The following GPR158 variants were observed in gnomAD, a reference collection of about 807,000 sequenced individuals.
GPR158 encodes G protein-coupled receptor 158, also known as metabotropic glycine receptor.
A neutral mutation model predicts 78.2 loss-of-function variants in GPR158; 30 were observed. The ratio of observed to expected loss-of-function variants is 0.38; its 90% CI spans 0.29 to 0.52. GPR158 has a LOEUF of 0.52. Ranked by LOEUF, GPR158 falls within the 20% of genes least tolerant of loss-of-function variation. The pLI is 0.83. For synonymous variants in GPR158, 581 were observed against 591.1 expected (o/e 0.98, Z 0.25); for missense variants, 1,463 against 1,523.5 (o/e 0.96, Z 0.66).
intron 2 of GPR158, among the ~76,000 whole-genome samples, chr10:25,297,513 GT>G (rs111883053): frequency 6.6e-5 from 10 of 152,000 alleles, no homozygotes; most frequent in African/African-American, 2.2e-4. Context: ...AAGCATAAAC[GT>G]TTTTTTTACA....
In GPR158 at chr10:25,598,375, G is replaced by A. The variant is rs186351288; in HGVS notation, c.2749G>A (p.Ala917Thr). 6.2e-7 allele frequency: 1 copy of A among 1,614,102 alleles called. No homozygotes were observed. Among genetic ancestry groups the A allele is most frequent in the Admixed American group, 1.7e-5 (1 of 60,008 alleles). Residue 917 changes from alanine to threonine, a missense_variant, in exon 11 of 11, where the codon GCT becomes ACT. Physicochemically the swap from Ala to Thr is moderately conservative, Grantham distance 58. Transcript: ENST00000376351. ...ASAKEKTLGLAGKTQTAGVEE... is the reference protein window; with the variant it reads ...ASAKEKTLGLTGKTQTAGVEE... ...CGCCAAGGAGAAGACTCTTGGATTAGCTGGGAAAACCCAAACAGCAGGTGT... is the reference window on the plus strand; with the variant it reads ...CGCCAAGGAGAAGACTCTTGGATTAACTGGGAAAACCCAAACAGCAGGTGT...
At chr10:25,551,632 GT>G (rs1836726119) in intron 6 of GPR158, among the ~76,000 whole-genome samples, 1 of 152,142 alleles carries the variant, frequency 6.6e-6, no homozygotes, top group African/African-American at 2.4e-5. Context: ...CTAATACTTA[GT>G]TCTAAACCAC....
intron 4 of GPR158, among the ~76,000 whole-genome samples, chr10:25,453,338 C>T (rs916900222): frequency 2.0e-4 from 31 of 152,092 alleles, no homozygotes; most frequent in South Asian, 6.2e-4. Flanking sequence ...TTACATTCAT[C>T]CCACCAGTAT....
chr10:25,369,742 G>C (rs1477834403), intron 2 of GPR158, among the ~76,000 whole-genome samples: 1 of 151,490 alleles, frequency 6.6e-6, no homozygotes, highest in African/African-American at 2.4e-5. Context: ...CAGAAGGAAT[G>C]GTACCAGTTC....
intron 5 of GPR158, among the ~76,000 whole-genome samples, chr10:25,516,942 A>T (rs1382196524): frequency 6.8e-6 from 1 of 147,240 alleles, no homozygotes; most frequent in Non-Finnish European, 1.5e-5. Flanking sequence ...ATGGCATTGA[A>T]TCTGCAAATT....
rs373733400 is a variant in GPR158, at chr10:25,425,091, G to T, written c.1335+12618G>T. On this transcript the variant is annotated intron_variant, in intron 4 of 10. Coordinates refer to ENST00000376351, the MANE Select transcript of GPR158 (RefSeq NM_020752.3). ...GTGGTTTGTAGTTCTCCTTGAAGTG[G>T]TCCTTCACATCCCTTGTAAGCTAGA... is the stretch of plus-strand genomic sequence containing the variant. Among the ~76,000 whole-genome samples the T allele has an allele frequency of 9.9e-5, 15 of 152,074 alleles. No homozygotes were observed. In the East Asian group the frequency reaches 1.2e-3, roughly 12 times the overall value.
intron 5 of GPR158, among the ~76,000 whole-genome samples, chr10:25,507,634 G>A (rs146102771): frequency 2.0e-5 from 3 of 152,180 alleles, no homozygotes; most frequent in Non-Finnish European, 2.9e-5. Flanking sequence ...AGATAATACT[G>A]TATCAGGGAA....
intron 2 of GPR158, among the ~76,000 whole-genome samples, chr10:25,235,451 G>A (rs527484510): frequency 6.7e-6 from 1 of 148,202 alleles, no homozygotes; most frequent in African/African-American, 2.5e-5. Context: ...AATGGCAAGA[G>A]CACCTGAAAT....
At chr10:25,349,885 G>GGCCCAGGTAGACAA (rs1264078163) in intron 2 of GPR158, among the ~76,000 whole-genome samples, 186 of 130,634 alleles carry the variant, frequency 1.4e-3, no homozygotes, top group African/African-American at 5.9e-3. Context: ...AATCACACTG[G>GGCCCAGGTAGACAA]TGATCTTTTC....
chr10:25,381,546 C>G (rs774885646), intron 2 of GPR158, among the ~76,000 whole-genome samples: 2 of 152,074 alleles, frequency 1.3e-5, no homozygotes, highest in Non-Finnish European at 2.9e-5. Flanking sequence ...GAGGAAGTCA[C>G]TGGGAACATG....
intron 2 of GPR158, among the ~76,000 whole-genome samples, chr10:25,248,002 G>A (rs1287142810): frequency 6.6e-6 from 1 of 151,516 alleles, no homozygotes; most frequent in Non-Finnish European, 1.5e-5. Context: ...TTTAATGATT[G>A]CCATTCTAAC....
At chr10:25,517,403 A>G (rs1196407897) in intron 5 of GPR158, among the ~76,000 whole-genome samples, 1 of 152,034 alleles carries the variant, frequency 6.6e-6, no homozygotes, top group Admixed American at 6.5e-5. Flanking sequence ...AACTTCCAAC[A>G]CTATGTTGAA....
intron 6 of GPR158, among the ~76,000 whole-genome samples, chr10:25,558,442 G>C (rs938031388): frequency 1.3e-5 from 2 of 152,126 alleles, no homozygotes; most frequent in African/African-American, 4.8e-5. Context: ...ATTACTTCAG[G>C]CAGCAAAACG....
intron 6 of GPR158, among the ~76,000 whole-genome samples, chr10:25,561,800 C>T (rs1258096853): frequency 6.6e-6 from 1 of 152,114 alleles, no homozygotes; most frequent in African/African-American, 2.4e-5. Flanking sequence ...ATCACATTTC[C>T]TCAGTCTTTT....
At chr10:25,557,685 G>C (rs572256420) in intron 6 of GPR158, among the ~76,000 whole-genome samples, 31 of 152,212 alleles carry the variant, frequency 2.0e-4, no homozygotes, top group Non-Finnish European at 3.4e-4. Context: ...TCCATTTATA[G>C]ATTAGTATGT....
intron 5 of GPR158, among the ~76,000 whole-genome samples, chr10:25,534,965 A>T (rs925766277): frequency 6.6e-6 from 1 of 152,228 alleles, no homozygotes; most frequent in Non-Finnish European, 1.5e-5. Context: ...AAGATGGGTT[A>T]GACTCTGTTG....
chr10:25,332,247 A>G (rs1457018592), intron 2 of GPR158, among the ~76,000 whole-genome samples: 1 of 152,202 alleles, frequency 6.6e-6, no homozygotes, highest in Non-Finnish European at 1.5e-5. Flanking sequence ...TTAGTTGGCT[A>G]GATAGTGCTA....
intron 4 of GPR158, among the ~76,000 whole-genome samples, chr10:25,426,413 T>C (rs985786265): frequency 1.3e-5 from 2 of 152,178 alleles, no homozygotes; most frequent in African/African-American, 2.4e-5. Flanking sequence ...TCATCTCAGC[T>C]TTCGATATGC....
At chr10:25,229,384 C>T (rs1371662179) in intron 2 of GPR158, among the ~76,000 whole-genome samples, 1 of 152,108 alleles carries the variant, frequency 6.6e-6, no homozygotes, top group Admixed American at 6.6e-5. Context: ...ATAAATTTTA[C>T]TTTTTCTGTT....
Sources: allele counts gnomAD v4.1 joint callset (sites outside exome capture counted in the v4.1 genomes callset), GRCh38; gene constraint gnomAD v4.1.1; transcripts MANE v1.5; gene names NCBI Gene and HGNC (gene_info 2026-07-23, HGNC 2026-07-21).